TM9SF4: variants seen among roughly 807,000 people sequenced by gnomAD.
TM9SF4 encodes the protein dinucleotide oxidase disulfide thiol exchanger 3 superfamily member 4.
In TM9SF4, 26 loss-of-function variants were observed where a neutral mutation model predicts 90.4. The observed-to-expected ratio is 0.29, with a 90% CI of 0.21 to 0.40. The LOEUF is 0.40. Among genes scored for constraint, TM9SF4 ranks in the 10% least tolerant of loss-of-function variants. TM9SF4 has a pLI of 1.00. For missense variants in TM9SF4, 549 were observed against 834.8 expected, an observed-to-expected ratio of 0.66 and a Z score of 4.22; for synonymous variants, 293 against 315.4, an observed-to-expected ratio of 0.93 and a Z score of 0.75.
intron 3 of TM9SF4, among the ~76,000 whole-genome samples, chr20:32,141,216 C>CAAAAA (rs71185383): frequency 1.2e-4 from 3 of 26,016 alleles, no homozygotes; most frequent in African/African-American, 3.2e-4. Flanking sequence ...GACTCCATCT[C>CAAAAA]AAAAAAAAAA....
intron 1 of TM9SF4, 146 bp downstream of exon 1, chr20:32,109,901 C>T: frequency 6.7e-7 from 1 of 1,483,602 alleles, no homozygotes; most frequent in South Asian, 1.3e-5. Flanking sequence ...GGCTTGTCTT[C>T]CCCGAAATCC....
intron 1 of TM9SF4, among the ~76,000 whole-genome samples, chr20:32,123,866 A>ATATATATATATATATATATATTTTT: frequency 2.1e-5 from 2 of 93,940 alleles, no homozygotes; most frequent in African/African-American, 9.1e-5. Context: ...ATATATATAT[A>ATATATATATATATATATATATTTTT]TTTTTTTTTT....
At chr20:32,163,262 A>T (rs867105534) in intron 17 of TM9SF4, among the ~76,000 whole-genome samples, 28 of 71,178 alleles carry the variant, frequency 3.9e-4, no homozygotes, top group East Asian at 3.9e-3. Flanking sequence ...AAAAAAAAAA[A>T]AAAAAAATAT....
chr20:32,150,473 G>C (rs1288433775), intron 10 of TM9SF4, 149 bp from the exon 11 acceptor site: 2 of 855,524 alleles, frequency 2.3e-6, no homozygotes, highest in African/African-American at 3.3e-5. Context: ...GGACTATGCT[G>C]TTGAGAAGAC....
chr20:32,163,257 A>AC lies in TM9SF4; in HGVS notation c.1779+1892_1779+1893insC, dbSNP rs2047045042. ...CAAGACTCCATCTCAAAAAAAAAAA[A>AC]AAAAAAAAAAAATATATATATATAT... On this transcript the variant is annotated intron_variant, in intron 17 of 17. Transcript: ENST00000398022. 2.2e-4 allele frequency among the ~76,000 whole-genome samples: 18 copies of AC among 80,786 alleles called. 1 individual carries two copies. The highest frequency in any genetic ancestry group is 1.1e-3 in the African/African-American group (18 of 16,972). 53.0% of individuals were successfully genotyped at this position (80,786 alleles called of 152,430 possible).
At chr20:32,159,580 C>G (rs2046982822) in intron 15 of TM9SF4, 1 of 168,346 alleles carries the variant, frequency 5.9e-6, no homozygotes. Flanking sequence ...GGCCAGTCAC[C>G]AGCGTCTCTG....
intron 1 of TM9SF4, among the ~76,000 whole-genome samples, chr20:32,130,892 C>T (rs1213741252): frequency 2.0e-5 from 3 of 152,100 alleles, no homozygotes; most frequent in Admixed American, 6.6e-5. Flanking sequence ...AAGCCTTACT[C>T]GCTTATGGTT....
intron 1 of TM9SF4, among the ~76,000 whole-genome samples, chr20:32,118,993 T>C (rs940942064): frequency 6.6e-6 from 1 of 151,998 alleles, no homozygotes; most frequent in African/African-American, 2.4e-5. Flanking sequence ...GCTATAAAAG[T>C]ATCAAAACAT....
intron 1 of TM9SF4, among the ~76,000 whole-genome samples, chr20:32,120,805 A>G (rs1279262856): frequency 6.6e-6 from 1 of 152,186 alleles, no homozygotes; most frequent in Non-Finnish European, 1.5e-5. Flanking sequence ...TATCTGATTA[A>G]GTTCCCTTCT....
intron 14 of TM9SF4, among the ~76,000 whole-genome samples, 165 bp downstream of exon 14, chr20:32,158,134 C>G (rs908951984): frequency 1.3e-5 from 2 of 152,096 alleles, no homozygotes; most frequent in African/African-American, 2.4e-5. Context: ...AGGTTGTAGG[C>G]AGACTTGGTG....
chr20:32,122,841 G>T (rs1039806759), intron 1 of TM9SF4, among the ~76,000 whole-genome samples: 1 of 151,990 alleles, frequency 6.6e-6, no homozygotes, highest in Non-Finnish European at 1.5e-5. Flanking sequence ...AGGTTGTAGC[G>T]AGCCGAGATC....
chr20:32,123,845 C>CATATATATATATAT lies in TM9SF4; in HGVS notation c.16-9159_16-9146dup, dbSNP rs778502518. On this transcript the variant is annotated intron_variant, in intron 1 of 17. Coordinates refer to ENST00000398022, the MANE Select transcript of TM9SF4 (RefSeq NM_014742.4). ...TCTCTAGCTCACGTGTTCTCTCTCT[C>CATATATATATATAT]ATATATATATATATATATATATTTT... is the stretch of plus-strand genomic sequence containing the variant. 5.7e-4 allele frequency among the ~76,000 whole-genome samples: 62 copies of CATATATATATATAT among 108,710 alleles called. 1 individual carries two copies. The highest frequency in any genetic ancestry group is 2.0e-3 in the African/African-American group (53 of 26,922). The allele number at this position is 108,710 out of a possible 152,430, so 71.3% of individuals were successfully genotyped here. A position where few individuals can be genotyped will look rare whatever the true frequency, so the allele number is the denominator to read the frequency against.
chr20:32,151,443 CGAGTGAG>C (rs2046839108), intron 12 of TM9SF4, among the ~76,000 whole-genome samples: 1 of 151,860 alleles, frequency 6.6e-6, no homozygotes, highest in Non-Finnish European at 1.5e-5. Flanking sequence ...TCTCCTAGAG[CGAGTGAG>C]TCTCTTAGAG....
chr20:32,138,839 G>C (rs1198785748), intron 3 of TM9SF4, among the ~76,000 whole-genome samples: 3 of 152,220 alleles, frequency 2.0e-5, no homozygotes, highest in African/African-American at 7.2e-5. Context: ...AGATGAAATA[G>C]GCAGTAGGAA....
chr20:32,136,312 C>A, intron 3 of TM9SF4, 139 bp downstream of exon 3: 1 of 781,426 alleles, frequency 1.3e-6, no homozygotes, highest in Non-Finnish European at 2.0e-6. Context: ...CTTATTTAAA[C>A]CTCATAACAG....
intron 3 of TM9SF4, among the ~76,000 whole-genome samples, chr20:32,139,527 G>T (rs1395521061): frequency 6.6e-6 from 1 of 152,136 alleles, no homozygotes; most frequent in African/African-American, 2.4e-5. Context: ...TGTCACTCAT[G>T]CATGACTGAC....
chr20:32,150,932 C>A, intron 12 of TM9SF4, 57 bp downstream of exon 12: 1 of 1,588,888 alleles, frequency 6.3e-7, no homozygotes, highest in Non-Finnish European at 8.6e-7. Context: ...TCTTCCTGGG[C>A]TCCTCAGGAG....
intron 1 of TM9SF4, among the ~76,000 whole-genome samples, chr20:32,127,234 T>C (rs963494097): frequency 1.3e-5 from 2 of 152,224 alleles, no homozygotes; most frequent in African/African-American, 4.8e-5. Flanking sequence ...GAACCTAGAA[T>C]TGTGCTTAGC....
rs201365030 is a variant in TM9SF4, at chr20:32,116,862, C to CT, written c.15+7133dup. Among the ~76,000 whole-genome samples, 872 of 95,840 alleles carry CT rather than the reference C, an allele frequency of 9.1e-3. 16 individuals carry two copies. Among genetic ancestry groups the CT allele is most frequent in the Non-Finnish European group, 0.013 (650 of 50,514 alleles). 62.9% of individuals were successfully genotyped at this position (95,840 alleles called of 152,430 possible). On this transcript the variant is annotated intron_variant, in intron 1 of 17. Coordinates refer to ENST00000398022, the MANE Select transcript of TM9SF4 (RefSeq NM_014742.4). ...TTTTTTTTCCTCCTTTTTCCTTTTT[C>CT]TTTTTTTTTTTTTTTTTTTTTTTTT...
Sources: allele counts gnomAD v4.1 joint callset (sites outside exome capture counted in the v4.1 genomes callset), GRCh38; gene constraint gnomAD v4.1.1; transcripts MANE v1.5; gene names NCBI Gene and HGNC (gene_info 2026-07-23, HGNC 2026-07-21).